The following NPAS3 variants were observed in gnomAD, a reference collection of about 807,000 sequenced individuals.
The protein encoded by NPAS3 is neuronal PAS domain-containing protein 3.
NPAS3 carries 14 observed loss-of-function variants against 73.1 expected under a neutral mutation model. The observed-to-expected ratio is 0.19, with a 90% confidence interval of 0.13 to 0.30. The LOEUF (loss-of-function observed/expected upper bound fraction) is 0.30, where lower values mean the gene tolerates loss of function less well. Ranked by LOEUF, NPAS3 falls within the 10% of genes least tolerant of loss-of-function variation. The probability of loss-of-function intolerance (pLI) is 1.00; values close to 1 mark genes in which losing one functional copy is unlikely to be tolerated. For synonymous variants in NPAS3, 620 were observed against 541.5 expected (o/e 1.14, Z -2.01); for missense variants, 1,096 against 1,250.0 (o/e 0.88, Z 1.86).
rs1303739006 is a variant in NPAS3, at chr14:33,684,304, A to ATTTC, written c.733+7923_733+7926dup. ...TCTAATCCTTTTCTTTGCTCTCATT[A>ATTTC]TTTCTTTTCTTTTTATTTTTTTGAG... On this transcript the variant is annotated intron_variant, in intron 6 of 11. Transcript: ENST00000356141. Among the ~76,000 whole-genome samples the ATTTC allele has an allele frequency of 5.4e-5, 8 of 148,858 alleles. No homozygotes were observed. The East Asian group carries it at 1.2e-3, about 22-fold the overall frequency.
chr14:33,799,089 G>A (rs2063602552), intron 11 of NPAS3, among the ~76,000 whole-genome samples: 1 of 152,094 alleles, frequency 6.6e-6, no homozygotes, highest in Non-Finnish European at 1.5e-5. Context: ...AGGTTGCAGT[G>A]AGCAGTGACC....
intron 3 of NPAS3, among the ~76,000 whole-genome samples, chr14:33,318,244 A>G (rs1181128357): frequency 6.6e-6 from 1 of 152,130 alleles, no homozygotes; most frequent in Non-Finnish European, 1.5e-5. Flanking sequence ...AGCCAGTCAC[A>G]AAAGACAAGT....
chr14:32,998,071 G>T (rs2038656219), intron 1 of NPAS3, among the ~76,000 whole-genome samples: 1 of 152,200 alleles, frequency 6.6e-6, no homozygotes, highest in Non-Finnish European at 1.5e-5. Context: ...ATAAGAACAT[G>T]CTCATGCATG....
chr14:33,658,664 T>C (rs774478337), intron 5 of NPAS3, among the ~76,000 whole-genome samples: 7 of 152,140 alleles, frequency 4.6e-5, no homozygotes, highest in Non-Finnish European at 7.4e-5. Context: ...TCATCTATAA[T>C]TTCCTCAAAT....
At chr14:33,153,701 G>A (rs565843917) in intron 2 of NPAS3, among the ~76,000 whole-genome samples, 4 of 152,060 alleles carry the variant, frequency 2.6e-5, no homozygotes, top group Admixed American at 6.6e-5. Context: ...TCATACAATC[G>A]TCTTTATTTT....
intron 5 of NPAS3, among the ~76,000 whole-genome samples, chr14:33,623,915 T>C (rs1265204918): frequency 6.6e-6 from 1 of 152,214 alleles, no homozygotes; most frequent in Non-Finnish European, 1.5e-5. Context: ...AAAGAAATGC[T>C]AAAAGGACTC....
At chr14:33,351,332 G>C (rs2045041025) in intron 3 of NPAS3, among the ~76,000 whole-genome samples, 1 of 152,156 alleles carries the variant, frequency 6.6e-6, no homozygotes, top group South Asian at 2.1e-4. Flanking sequence ...GAGGACTGGG[G>C]AACAGAGGGG....
intron 3 of NPAS3, among the ~76,000 whole-genome samples, chr14:33,362,231 T>G (rs1237561578): frequency 1.3e-5 from 2 of 151,134 alleles, no homozygotes; most frequent in East Asian, 3.9e-4. Context: ...TGAGGCGTTT[T>G]GTATTGAAAG....
intron 2 of NPAS3, among the ~76,000 whole-genome samples, chr14:33,116,005 A>G (rs533165535): frequency 5.1e-4 from 78 of 152,228 alleles, no homozygotes; most frequent in Non-Finnish European, 8.1e-4. Context: ...TTCTGTATCC[A>G]TTATTTGCAA....
At chr14:33,678,654 C>A (rs568569125) in intron 6 of NPAS3, among the ~76,000 whole-genome samples, 2 of 152,012 alleles carry the variant, frequency 1.3e-5, no homozygotes, top group Non-Finnish European at 2.9e-5. Context: ...CTTAATGCAG[C>A]CTGAGGTTAA....
intron 2 of NPAS3, among the ~76,000 whole-genome samples, chr14:33,096,519 G>T (rs1212526216): frequency 6.6e-6 from 1 of 152,292 alleles, no homozygotes; most frequent in South Asian, 2.1e-4. Flanking sequence ...TTTAGTATTG[G>T]ACTGTTAACT....
intron 2 of NPAS3, among the ~76,000 whole-genome samples, chr14:33,150,943 C>A (rs1262566394): frequency 6.6e-6 from 1 of 152,186 alleles, no homozygotes; most frequent in Non-Finnish European, 1.5e-5. Context: ...GCCTCTATAT[C>A]CTATTGATTG....
intron 4 of NPAS3, among the ~76,000 whole-genome samples, chr14:33,536,817 A>G (rs1463379438): frequency 6.6e-6 from 1 of 152,212 alleles, no homozygotes; most frequent in Non-Finnish European, 1.5e-5. Flanking sequence ...ATAACGGATT[A>G]CAATTCCAAC....
intron 2 of NPAS3, among the ~76,000 whole-genome samples, chr14:33,208,714 C>G (rs1381895550): frequency 6.6e-6 from 1 of 152,130 alleles, no homozygotes; most frequent in African/African-American, 2.4e-5. Context: ...GAAGGTCAAA[C>G]TGATTTAGCA....
chr14:33,189,078 G>T (rs143109958), intron 2 of NPAS3, among the ~76,000 whole-genome samples: 1 of 152,068 alleles, frequency 6.6e-6, no homozygotes, highest in African/African-American at 2.4e-5. Context: ...TGAATTTATC[G>T]CCTTTCCAAT....
intron 3 of NPAS3, among the ~76,000 whole-genome samples, chr14:33,258,366 C>T (rs1444873731): frequency 7.2e-5 from 11 of 152,112 alleles, no homozygotes; most frequent in Non-Finnish European, 1.6e-4. Flanking sequence ...CACACCACTG[C>T]ACTCCAACCT....
chr14:33,004,311 A>G (rs988924844), intron 1 of NPAS3, among the ~76,000 whole-genome samples: 4 of 152,206 alleles, frequency 2.6e-5, no homozygotes, highest in Non-Finnish European at 5.9e-5. Context: ...ACACTAGGAT[A>G]TATGGTATAG....
chr14:33,219,322 A>AGCT (rs2047337832), intron 3 of NPAS3, among the ~76,000 whole-genome samples: 1 of 152,230 alleles, frequency 6.6e-6, no homozygotes, highest in Non-Finnish European at 1.5e-5. Flanking sequence ...CACAGACTTC[A>AGCT]GTCAATTTTA....
intron 5 of NPAS3, among the ~76,000 whole-genome samples, chr14:33,639,129 C>A (rs2058606672): frequency 6.6e-6 from 1 of 152,116 alleles, no homozygotes; most frequent in Non-Finnish European, 1.5e-5. Flanking sequence ...TAGAGTCAGG[C>A]TTTTTGAAAT....
Sources: gnomAD v4.1 joint callset for allele counts (sites outside exome capture counted in the v4.1 genomes callset) on GRCh38, gnomAD v4.1.1 for gene constraint, MANE v1.5 for transcripts, NCBI Gene and HGNC (gene_info 2026-07-23, HGNC 2026-07-21) for gene names.